The following SLMAP variants were observed in gnomAD, a reference collection of about 807,000 sequenced individuals.
SLMAP encodes the protein sarcolemma associated protein, also known as sarcolemmal membrane-associated protein.
In SLMAP, 44 loss-of-function variants were observed where a neutral mutation model predicts 128.8. The observed-to-expected ratio is 0.34, with a 90% CI of 0.27 to 0.44. The LOEUF (loss-of-function observed/expected upper bound fraction) is 0.44. Among genes scored for constraint, SLMAP ranks in the 20% least tolerant of loss-of-function variants. The pLI is 1.00. For synonymous variants in SLMAP, 327 were observed against 348.8 expected (o/e 0.94, Z 0.70); for missense variants, 787 against 985.3 (o/e 0.80, Z 2.69).
chr3:57,781,064 T>C (rs2082956838), intron 2 of SLMAP, among the ~76,000 whole-genome samples: 1 of 151,370 alleles, frequency 6.6e-6, no homozygotes, highest in African/African-American at 2.4e-5. Context: ...AATAATAAGA[T>C]ACAAAAAATA....
intron 14 of SLMAP, among the ~76,000 whole-genome samples, chr3:57,883,071 C>T (rs984550305): frequency 2.0e-5 from 3 of 152,008 alleles, no homozygotes; most frequent in Non-Finnish European, 4.4e-5. Context: ...ACAGTGAGTG[C>T]CTGGTGCATA....
intron 3 of SLMAP, among the ~76,000 whole-genome samples, chr3:57,836,968 C>T (rs2093668626): frequency 6.6e-6 from 1 of 152,222 alleles, no homozygotes; most frequent in African/African-American, 2.4e-5. Context: ...CTTATTACTT[C>T]AGGCCTTCAT....
chr3:57,917,322 A>G (rs2096833278), intron 22 of SLMAP: 7 of 906,706 alleles, frequency 7.7e-6, no homozygotes, highest in Non-Finnish European at 1.1e-5. Flanking sequence ...TTTCTCTACC[A>G]GTTACTTATA....
intron 5 of SLMAP, among the ~76,000 whole-genome samples, chr3:57,848,326 TCTC>T (rs902618279): frequency 6.7e-6 from 1 of 149,290 alleles, no homozygotes. Flanking sequence ...TTCTCCCCCT[TCTC>T]CTCCTCCTGT....
At chr3:57,895,493 C>G (rs2096218419) in intron 15 of SLMAP, among the ~76,000 whole-genome samples, 1 of 152,014 alleles carries the variant, frequency 6.6e-6, no homozygotes, top group Non-Finnish European at 1.5e-5. Flanking sequence ...CAGCACCATG[C>G]CCAGCTAATT....
intron 14 of SLMAP, among the ~76,000 whole-genome samples, chr3:57,883,937 C>CTTTTT (rs56691913): frequency 1.6e-5 from 2 of 126,550 alleles, no homozygotes; most frequent in Non-Finnish European, 3.3e-5. Flanking sequence ...TCTTTTCTTT[C>CTTTTT]TTTTTTTTTT....
At chr3:57,862,717 C>G (rs1163937874) in intron 10 of SLMAP, among the ~76,000 whole-genome samples, 1 of 151,568 alleles carries the variant, frequency 6.6e-6, no homozygotes, top group African/African-American at 2.4e-5. Flanking sequence ...GCATAGTCTC[C>G]TTGAATGTGT....
intron 6 of SLMAP, among the ~76,000 whole-genome samples, chr3:57,853,771 G>A (rs971517017): frequency 6.7e-6 from 1 of 149,690 alleles, no homozygotes; most frequent in African/African-American, 2.5e-5. Context: ...AGAAACCCCC[G>A]TCTCTACTAA....
intron 6 of SLMAP, among the ~76,000 whole-genome samples, chr3:57,856,042 C>T (rs940441030): frequency 9.4e-5 from 14 of 148,842 alleles, no homozygotes; most frequent in Non-Finnish European, 1.9e-4. Context: ...GACTTCGTCT[C>T]AGAAAAAGAA....
At chr3:57,871,806 T>C in intron 14 of SLMAP, 108 bp downstream of exon 14, 1 of 781,468 alleles carries the variant, frequency 1.3e-6, no homozygotes, top group East Asian at 2.5e-5. Flanking sequence ...CAGAAGTGCT[T>C]AAAGGGGCAT....
At chr3:57,820,075 A>G (rs1051293451) in intron 2 of SLMAP, among the ~76,000 whole-genome samples, 9 of 152,146 alleles carry the variant, frequency 5.9e-5, no homozygotes, top group Non-Finnish European at 1.2e-4. Context: ...TAACAGAGAT[A>G]AAGAGTGGTG....
chr3:57,849,443 C>A (rs906082562), intron 5 of SLMAP, among the ~76,000 whole-genome samples: 1 of 151,998 alleles, frequency 6.6e-6, no homozygotes, highest in South Asian at 2.1e-4. Flanking sequence ...CATAAAAATA[C>A]CATTTTGAAG....
chr3:57,822,398 A>C (rs1182719338), intron 2 of SLMAP, among the ~76,000 whole-genome samples: 1 of 152,090 alleles, frequency 6.6e-6, no homozygotes, highest in Non-Finnish European at 1.5e-5. Context: ...ATCTGATGCC[A>C]CGGAAAAAGG....
At chr3:57,904,868 C>T (rs946213850) in intron 17 of SLMAP, among the ~76,000 whole-genome samples, 1 of 152,100 alleles carries the variant, frequency 6.6e-6, no homozygotes, top group Non-Finnish European at 1.5e-5. Flanking sequence ...AGAATTTATT[C>T]AGCCCTGGTG....
At position 57,913,143 on chromosome 3, in the gene SLMAP, T is replaced by C. The variant is rs372966719; in HGVS notation, c.2021-15T>C. The C allele has an allele frequency of 1.2e-5, 14 of 1,123,004 alleles. No homozygotes were observed. In the South Asian group the frequency reaches 1.5e-4, roughly 12 times the overall value. The allele number at this position is 1,123,004 out of a possible 1,614,324, so 69.6% of individuals were successfully genotyped here. ...ATATTTCTGTATTAACAAATATGTT[T>C]TGGGACTATTTTAGGTGAACTAGAG... On this transcript the variant is annotated splice_polypyrimidine_tract_variant and intron_variant, in intron 20 of 24. Coordinates refer to ENST00000671191, the MANE Select transcript of SLMAP (RefSeq NM_001377540.1).
intron 6 of SLMAP, among the ~76,000 whole-genome samples, chr3:57,853,060 T>G (rs911660309): frequency 6.6e-6 from 1 of 152,242 alleles, no homozygotes; most frequent in Non-Finnish European, 1.5e-5. Flanking sequence ...AGTTAAACTC[T>G]AAATGGAATT....
chr3:57,926,980 G>A (rs548556346), intron 24 of SLMAP, among the ~76,000 whole-genome samples: 1 of 152,290 alleles, frequency 6.6e-6, no homozygotes, highest in East Asian at 1.9e-4. Flanking sequence ...ATGGATACCA[G>A]AGTAAATAAA....
In SLMAP at chr3:57,794,009, G is replaced by A. The variant is rs140911278; in HGVS notation, c.198+36160G>A. Among the ~76,000 whole-genome samples the A allele has an allele frequency of 4.2e-4, 64 of 152,122 alleles. 1 individual carries two copies. The Middle Eastern group carries it at 0.024, about 57-fold the overall frequency. Reference sequence around the variant, plus strand: ...TTTAGCTCAAGAGGTTAGGACTGCCGTGAGATGTGTTCGAGTTACTGTATT... The same window carrying A: ...TTTAGCTCAAGAGGTTAGGACTGCCATGAGATGTGTTCGAGTTACTGTATT... On this transcript the variant is annotated intron_variant, in intron 2 of 24. Coordinates refer to ENST00000671191, the MANE Select transcript of SLMAP (RefSeq NM_001377540.1).
intron 13 of SLMAP, 122 bp from the exon 14 acceptor site, chr3:57,871,514 A>G (rs1026375934): frequency 2.9e-6 from 2 of 686,932 alleles, no homozygotes; most frequent in African/African-American, 1.8e-5. Flanking sequence ...ATCAAAATAT[A>G]TTAAGCCTTT....
Sources: allele counts gnomAD v4.1 joint callset (sites outside exome capture counted in the v4.1 genomes callset), GRCh38; gene constraint gnomAD v4.1.1; transcripts MANE v1.5; gene names NCBI Gene and HGNC (gene_info 2026-07-23, HGNC 2026-07-21).